The following HPSE2 variants were observed in gnomAD, a reference collection of about 807,000 sequenced individuals.
The protein encoded by HPSE2 is heparanase 2 (inactive).
A neutral mutation model predicts 60.5 loss-of-function variants in HPSE2; 38 were observed. The ratio of observed to expected loss-of-function variants is 0.63; its 90% CI spans 0.48 to 0.82. The LOEUF (loss-of-function observed/expected upper bound fraction) is 0.82. Ranked by LOEUF, HPSE2 falls within the 40% of genes least tolerant of loss-of-function variation. The pLI, the probability that HPSE2 is intolerant of heterozygous loss-of-function variation, is 0.00. For synonymous variants in HPSE2, 295 were observed against 293.2 expected (o/e 1.01, Z -0.06); for missense variants, 713 against 740.4 (o/e 0.96, Z 0.43).
At chr10:98,920,040 A>G (rs1353561501) in intron 3 of HPSE2, among the ~76,000 whole-genome samples, 4 of 152,148 alleles carry the variant, frequency 2.6e-5, no homozygotes, top group African/African-American at 9.7e-5. Flanking sequence ...GATAGTCTCC[A>G]GCTGCTGTAT....
chr10:99,153,936 C>G (rs1051463835), intron 2 of HPSE2, among the ~76,000 whole-genome samples: 1 of 151,724 alleles, frequency 6.6e-6, no homozygotes, highest in Non-Finnish European at 1.5e-5. Context: ...AACCAAGGCT[C>G]GAGAACTACG....
At chr10:99,164,843 T>C (rs569733327) in intron 2 of HPSE2, among the ~76,000 whole-genome samples, 1 of 152,200 alleles carries the variant, frequency 6.6e-6, no homozygotes, top group East Asian at 1.9e-4. Context: ...CCCAGCACTT[T>C]GGGAGGCCGA....
At chr10:98,843,243 T>G (rs1365676218) in intron 3 of HPSE2, among the ~76,000 whole-genome samples, 1 of 152,168 alleles carries the variant, frequency 6.6e-6, no homozygotes, top group Admixed American at 6.6e-5. Context: ...TCCCTCTATG[T>G]GTCCATGCGT....
chr10:99,076,029 T>G (rs575626194), intron 3 of HPSE2, among the ~76,000 whole-genome samples: 28 of 152,302 alleles, frequency 1.8e-4, no homozygotes, highest in African/African-American at 5.5e-4. Flanking sequence ...ATGTAACCAC[T>G]GATAGGAAAG....
intron 9 of HPSE2, among the ~76,000 whole-genome samples, chr10:98,513,661 A>G (rs534994137): frequency 4.0e-5 from 6 of 151,628 alleles, no homozygotes; most frequent in African/African-American, 1.2e-4. Context: ...AGTTTGCTGT[A>G]AAAAAATGAC....
intron 3 of HPSE2, among the ~76,000 whole-genome samples, chr10:98,870,854 T>G (rs1323677277): frequency 6.6e-6 from 1 of 151,696 alleles, no homozygotes; most frequent in African/African-American, 2.4e-5. Flanking sequence ...AGATCCCTCA[T>G]GAAGGCAGAT....
At chr10:98,910,479 G>A (rs901371943) in intron 3 of HPSE2, among the ~76,000 whole-genome samples, 4 of 152,110 alleles carry the variant, frequency 2.6e-5, no homozygotes, top group African/African-American at 9.7e-5. Context: ...TTCATTTGTT[G>A]AACTGTGCAT....
intron 3 of HPSE2, among the ~76,000 whole-genome samples, chr10:98,778,264 CAGAG>C (rs143885408): frequency 2.7e-4 from 30 of 112,624 alleles, no homozygotes; most frequent in Admixed American, 1.0e-3. Context: ...GAGAGAGAGA[CAGAG>C]AGAGAGAGAG....
chr10:98,532,285 A>G (rs1178707754), intron 9 of HPSE2, among the ~76,000 whole-genome samples: 3 of 152,236 alleles, frequency 2.0e-5, no homozygotes, highest in Non-Finnish European at 2.9e-5. Flanking sequence ...TAGAGAAGGT[A>G]CATCAGATCC....
intron 3 of HPSE2, among the ~76,000 whole-genome samples, chr10:99,108,622 G>A (rs1046121151): frequency 6.6e-6 from 1 of 152,012 alleles, no homozygotes; most frequent in African/African-American, 2.4e-5. Context: ...GACCATATTA[G>A]CAACTACCAA....
intron 3 of HPSE2, among the ~76,000 whole-genome samples, chr10:99,086,342 CT>C: frequency 7.9e-6 from 1 of 125,918 alleles, no homozygotes. Context: ...CGGAAAAGTA[CT>C]TTCTTTTTTT....
chr10:99,244,540 T>G, the HPSE2 span, among the ~76,000 whole-genome samples: 5 of 148,806 alleles, frequency 3.4e-5, no homozygotes, highest in Non-Finnish European at 7.4e-5. Context: ...CTTGTGTAGC[T>G]GAGACCACAG....
intron 3 of HPSE2, among the ~76,000 whole-genome samples, chr10:98,866,979 G>A (rs933786068): frequency 6.6e-6 from 1 of 152,036 alleles, no homozygotes; most frequent in African/African-American, 2.4e-5. Flanking sequence ...GATAGTCCCC[G>A]ACTTACAATG....
chr10:99,264,767 T>G, the HPSE2 span, among the ~76,000 whole-genome samples: 1 of 152,120 alleles, frequency 6.6e-6, no homozygotes, highest in Non-Finnish European at 1.5e-5. Flanking sequence ...TCATCACCAC[T>G]AATTCTATAT....
At chr10:98,519,948 T>G (rs1371788775) in intron 9 of HPSE2, among the ~76,000 whole-genome samples, 1 of 152,226 alleles carries the variant, frequency 6.6e-6, no homozygotes, top group East Asian at 1.9e-4. Flanking sequence ...AGAGCCAAAT[T>G]GGATTCCTCC....
intron 3 of HPSE2, among the ~76,000 whole-genome samples, chr10:99,125,229 T>C (rs1334806184): frequency 1.3e-5 from 2 of 152,172 alleles, no homozygotes; most frequent in African/African-American, 4.8e-5. Context: ...TGGATAAAAA[T>C]CCTGAAAATT....
At chr10:98,988,308 T>C (rs1956425234) in intron 3 of HPSE2, among the ~76,000 whole-genome samples, 1 of 152,304 alleles carries the variant, frequency 6.6e-6, no homozygotes, top group Admixed American at 6.5e-5. Flanking sequence ...TATAGATCAA[T>C]GGAACAGAAT....
chr10:98,939,710 C>A (rs1303479368), intron 3 of HPSE2, among the ~76,000 whole-genome samples: 5 of 143,816 alleles, frequency 3.5e-5, no homozygotes, highest in Middle Eastern at 3.5e-3. Flanking sequence ...AGGAACTGAA[C>A]TCAGCTCTGC....
At chr10:98,791,037 A>G (rs1950644278) in intron 3 of HPSE2, among the ~76,000 whole-genome samples, 1 of 152,226 alleles carries the variant, frequency 6.6e-6, no homozygotes, top group African/African-American at 2.4e-5. Context: ...GATGGCACTC[A>G]TAGTTCCTTC....
Sources: allele counts gnomAD v4.1 joint callset (sites outside exome capture counted in the v4.1 genomes callset), GRCh38; gene constraint gnomAD v4.1.1; transcripts MANE v1.5; gene names NCBI Gene and HGNC (gene_info 2026-07-23, HGNC 2026-07-21).